The following MYO10 variants were observed in gnomAD, a reference collection of about 807,000 sequenced individuals.
MYO10 encodes the protein unconventional myosin-X.
MYO10 carries 133 observed loss-of-function variants against 257.3 expected under a neutral mutation model. The observed-to-expected ratio is 0.52, with a 90% confidence interval of 0.45 to 0.60. The LOEUF is 0.60. MYO10 is among the 20% of genes least tolerant of loss of function. The probability of loss-of-function intolerance (pLI) is 0.00; values close to 1 mark genes in which losing one functional copy is unlikely to be tolerated. For missense variants in MYO10, 2,399 were observed against 2,635.7 expected, an observed-to-expected ratio of 0.91 and a Z score of 1.97; for synonymous variants, 1,104 against 1,028.6, an observed-to-expected ratio of 1.07 and a Z score of -1.40.
At chr5:16,773,846 C>T (rs1246539571) in intron 9 of MYO10, among the ~76,000 whole-genome samples, 1 of 152,052 alleles carries the variant, frequency 6.6e-6, no homozygotes, top group Admixed American at 6.6e-5. Context: ...TTGTGGACTT[C>T]TTTGCTTTCT....
intron 19 of MYO10, among the ~76,000 whole-genome samples, chr5:16,745,622 A>G (rs910280569): frequency 6.6e-6 from 1 of 152,152 alleles, no homozygotes; most frequent in Non-Finnish European, 1.5e-5. Flanking sequence ...CAGGAGTTCA[A>G]GGCTTCTGCG....
rs138022562 is a variant in MYO10 at position 16,828,982 on chromosome 5, A to G, written c.121-10815T>C. Among the ~76,000 whole-genome samples the G allele has an allele frequency of 6.2e-4, 95 of 152,244 alleles. 1 individual carries two copies. Among genetic ancestry groups the G allele is most frequent in the African/African-American group, 2.2e-3 (93 of 41,548 alleles). Reference sequence around the variant, plus strand: ...TCACTCATGGTGGCCTGTTAGCTGGACCCTGGGGATACAATGATTAATTAA... The same window carrying G: ...TCACTCATGGTGGCCTGTTAGCTGGGCCCTGGGGATACAATGATTAATTAA... On this transcript the variant is annotated intron_variant, in intron 2 of 40. Transcript: ENST00000513610.
At chr5:16,757,308 ACACACACG>A (rs1257028063) in intron 18 of MYO10, among the ~76,000 whole-genome samples, 4,283 of 83,476 alleles carry the variant, frequency 0.051, 146 homozygotes, top group Non-Finnish European at 0.077. Context: ...ACAAACACAC[ACACACACG>A]CACACACACA....
intron 4 of MYO10, among the ~76,000 whole-genome samples, chr5:16,792,370 G>A (rs1741793361): frequency 6.6e-6 from 1 of 152,168 alleles, no homozygotes; most frequent in African/African-American, 2.4e-5. Flanking sequence ...GCTGTCAGGG[G>A]TTTCAATGTG....
intron 8 of MYO10, 55 bp from the exon 9 acceptor site, chr5:16,779,703 G>C (rs2126667868): frequency 2.9e-6 from 3 of 1,022,034 alleles, no homozygotes; most frequent in Non-Finnish European, 4.4e-6. Context: ...ATGAAATTCA[G>C]AGTTTTCACT....
intron 2 of MYO10, among the ~76,000 whole-genome samples, chr5:16,866,008 T>C (rs1242273983): frequency 5.3e-5 from 6 of 113,982 alleles, no homozygotes; most frequent in African/African-American, 2.2e-4. Context: ...CATATTTATT[T>C]ACCCAAACAC....
At chr5:16,908,354 C>A (rs577779367) in intron 1 of MYO10, among the ~76,000 whole-genome samples, 1 of 152,204 alleles carries the variant, frequency 6.6e-6, no homozygotes, top group African/African-American at 2.4e-5. Flanking sequence ...ATGGTGAAAC[C>A]TGGTCTCTAC....
intron 33 of MYO10, among the ~76,000 whole-genome samples, chr5:16,678,383 T>C (rs1276470034): frequency 6.6e-6 from 1 of 151,892 alleles, no homozygotes; most frequent in Admixed American, 6.6e-5. Flanking sequence ...AGTTGGAGTC[T>C]AGCCTGGCCA....
chr5:16,706,318 C>T (rs1389637631), intron 21 of MYO10, among the ~76,000 whole-genome samples: 3 of 151,894 alleles, frequency 2.0e-5, no homozygotes, highest in East Asian at 1.9e-4. Context: ...TATACACACA[C>T]ACACACTCTG....
chr5:16,892,729 A>G (rs1163815914), intron 1 of MYO10, among the ~76,000 whole-genome samples: 1 of 152,192 alleles, frequency 6.6e-6, no homozygotes, highest in African/African-American at 2.4e-5. Context: ...CTGGCACCTT[A>G]CTGGGTCACA....
At chr5:16,792,761 C>A (rs1741810262) in intron 4 of MYO10, among the ~76,000 whole-genome samples, 1 of 152,108 alleles carries the variant, frequency 6.6e-6, no homozygotes, top group Non-Finnish European at 1.5e-5. Context: ...GCTCACAGGC[C>A]CACTTGGCTG....
At chr5:16,783,835 G>T (rs1741495428) in intron 4 of MYO10, among the ~76,000 whole-genome samples, 1 of 152,192 alleles carries the variant, frequency 6.6e-6, no homozygotes, top group Non-Finnish European at 1.5e-5. Context: ...TTGGTTAAAT[G>T]CATGAGCTCA....
chr5:16,797,155 T>G (rs535660722), intron 3 of MYO10, among the ~76,000 whole-genome samples: 1 of 152,346 alleles, frequency 6.6e-6, no homozygotes, highest in East Asian at 1.9e-4. Flanking sequence ...ACAGGTTGAG[T>G]ATCACTAATC....
intron 1 of MYO10, among the ~76,000 whole-genome samples, chr5:16,900,136 C>T (rs1745336262): frequency 6.6e-6 from 1 of 151,474 alleles, no homozygotes; most frequent in South Asian, 2.1e-4. Flanking sequence ...ACAGCAATTT[C>T]AACAGCAATG....
At chr5:16,809,916 C>T (rs931529911) in intron 3 of MYO10, among the ~76,000 whole-genome samples, 2 of 152,130 alleles carry the variant, frequency 1.3e-5, no homozygotes, top group African/African-American at 4.8e-5. Flanking sequence ...CAGCTCTCCC[C>T]GTGATGTGGT....
At chr5:16,924,249 C>G (rs1474937971) in intron 1 of MYO10, among the ~76,000 whole-genome samples, 2 of 152,138 alleles carry the variant, frequency 1.3e-5, no homozygotes, top group East Asian at 3.9e-4. Context: ...GAATCAAGAG[C>G]CTTGTTTGCA....
intron 28 of MYO10, among the ~76,000 whole-genome samples, chr5:16,687,617 TGCAAACGATTTACAGCAAA>T (rs1296933322): frequency 1.3e-5 from 2 of 152,034 alleles, no homozygotes; most frequent in Admixed American, 6.6e-5. Flanking sequence ...AGGTAGGCTG[TGCAAACGATTTACAGCAAA>T]GCACTAAAAT....
At position 16,685,769 on chromosome 5, in the gene MYO10, T is replaced by G. The variant is rs890327861; in HGVS notation, c.3959A>C (p.His1320Pro). Residue 1320 changes from histidine to proline, a missense_variant, in exon 29 of 41, where the codon CAT (histidine) becomes CCT (proline). By Grantham distance (77) the His-to-Pro change is moderately conservative (BLOSUM62 -2). Transcript: ENST00000513610. The part of the protein sequence containing the change: ...ASTDQEIQEM[H>P]DEQANPQNAV... ...ATTCTGTGGGTTTGCCTGCTCATCA[T>G]GCATCTCCTGGATCTCCTGGTCCGT... 2.1e-6 allele frequency: 3 copies of G among 1,407,978 alleles called. No individual in the cohort carries two copies. Among genetic ancestry groups the G allele is most frequent in the Non-Finnish European group, 2.9e-6 (3 of 1,051,374 alleles). The allele number at this position is 1,407,978 out of a possible 1,614,324, so 87.2% of individuals were successfully genotyped here.
intron 2 of MYO10, among the ~76,000 whole-genome samples, chr5:16,862,933 G>A (rs1280670501): frequency 6.6e-6 from 1 of 152,174 alleles, no homozygotes; most frequent in Non-Finnish European, 1.5e-5. Context: ...GACTAAGGGG[G>A]CTGAGCTACC....
Sources: allele counts gnomAD v4.1 joint callset (sites outside exome capture counted in the v4.1 genomes callset), GRCh38; gene constraint gnomAD v4.1.1; transcripts MANE v1.5; gene names NCBI Gene and HGNC (gene_info 2026-07-23, HGNC 2026-07-21).